HELLS: variants seen among roughly 807,000 people sequenced by gnomAD.
The protein encoded by HELLS is helicase, lymphoid specific, also known as lymphoid-specific helicase.
A neutral mutation model predicts 120.0 loss-of-function variants in HELLS; 32 were observed. That is an observed-to-expected ratio of 0.27 (90% confidence interval 0.20 to 0.36). The LOEUF is 0.36. HELLS is among the 10% of genes least tolerant of loss of function. HELLS has a pLI of 1.00. For synonymous variants in HELLS, 341 were observed against 323.4 expected, an observed-to-expected ratio of 1.05 and a Z score of -0.58; for missense variants, 650 against 993.4, an observed-to-expected ratio of 0.65 and a Z score of 4.65.
Position 94,574,011 on chromosome 10 carries a change from A to G in HELLS, c.529A>G (p.Lys177Glu). The G allele has an allele frequency of 6.2e-7, 1 of 1,610,932 alleles. No individual in the cohort carries two copies. Among genetic ancestry groups the G allele is most frequent in the Non-Finnish European group, 8.5e-7 (1 of 1,177,144 alleles). Residue 177 changes from lysine (K) to glutamate (E), a missense_variant, in exon 8 of 22, where the codon AAA becomes GAA. Lys to Glu is a moderately conservative substitution (Grantham distance 56, BLOSUM62 1). This residue lies in a region of HELLS where 113 missense variants were observed against 120.7 expected (regional missense o/e 0.94). Coordinates refer to ENST00000348459, the MANE Select transcript of HELLS (RefSeq NM_018063.5). ...NLCVEDLQKN[K>E]DSNSIIKDRL... ...CTGTGTGGAAGATCTTCAGAAAAATAAAGATTCGAATAGTATAATTAAAGA... is the reference window on the plus strand; with the variant it reads ...CTGTGTGGAAGATCTTCAGAAAAATGAAGATTCGAATAGTATAATTAAAGA...
intron 6 of HELLS, among the ~76,000 whole-genome samples, chr10:94,565,442 C>T (rs769602146): frequency 5.3e-5 from 8 of 152,192 alleles, no homozygotes; most frequent in South Asian, 4.1e-4. Context: ...TAAACCCCGG[C>T]GCTTTGGGAG....
intron 4 of HELLS, among the ~76,000 whole-genome samples, chr10:94,560,514 A>T (rs1333431909): frequency 6.6e-6 from 1 of 151,276 alleles, no homozygotes; most frequent in Non-Finnish European, 1.5e-5. Context: ...GGTCAACATG[A>T]TGAGACCCTG....
intron 4 of HELLS, among the ~76,000 whole-genome samples, chr10:94,560,889 C>G (rs962209534): frequency 6.6e-6 from 1 of 151,910 alleles, no homozygotes; most frequent in African/African-American, 2.4e-5. Flanking sequence ...AACCCAGTCT[C>G]TACTAAAAAT....
intron 7 of HELLS, 110 bp downstream of exon 7, chr10:94,571,539 C>A: frequency 1.1e-6 from 1 of 875,868 alleles, no homozygotes; most frequent in Non-Finnish European, 1.6e-6. Context: ...TATCCTGTTT[C>A]TTTGCTTTAA....
intron 1 of HELLS, 122 bp from the exon 2 acceptor site, chr10:94,546,255 T>C (rs533402906): frequency 8.7e-7 from 1 of 1,154,726 alleles, no homozygotes; most frequent in African/African-American, 1.5e-5. Context: ...GATGCTGGCG[T>C]CCCCTCGGTC....
Position 94,596,879 on chromosome 10 carries a change from G to T in HELLS, c.2268G>T (p.Gln756His), listed in dbSNP as rs1845765332. The change falls in exon 20 of 22, where the codon CAG becomes CAT. Residue 756 changes from glutamine to histidine, a missense_variant. This residue lies in a region of HELLS where 90 missense variants were observed against 109.2 expected (regional missense o/e 0.82). Transcript: ENST00000348459. ...TTTTAGATCATTTCAAAGGTGGTCA[G>T]TCTGGATTAAATCTGTCTAAGAATT... ...IIHKNHFKGG[Q>H]SGLNLSKNFL... is the part of the protein sequence containing the mutation. 3 of 1,490,222 alleles carry T rather than the reference G, an allele frequency of 2.0e-6. No homozygotes were observed. The allele number at this position is 1,490,222 out of a possible 1,614,324, so 92.3% of individuals were successfully genotyped here.
intron 19 of HELLS, 130 bp from the exon 20 acceptor site, chr10:94,596,730 T>C (rs1487854347): frequency 1.6e-5 from 9 of 556,048 alleles, no homozygotes; most frequent in Non-Finnish European, 2.9e-5. Flanking sequence ...AGAGCTTCAT[T>C]TGCTTTTATT....
At chr10:94,584,297 A>C (rs536998710) in intron 12 of HELLS, among the ~76,000 whole-genome samples, 8 of 152,192 alleles carry the variant, frequency 5.3e-5, no homozygotes, top group East Asian at 3.9e-4. Flanking sequence ...TGTTGCAAAT[A>C]ATTTCTTTCC....
Position 94,598,606 on chromosome 10 carries a change from GT to G in HELLS, c.2422+1514del, listed in dbSNP as rs58356300. 3.9e-3 allele frequency among the ~76,000 whole-genome samples: 536 copies of G among 139,104 alleles called. 1 individual carries two copies. The highest frequency in any genetic ancestry group is 8.2e-3 in the African/African-American group (310 of 37,980). 91.3% of individuals were successfully genotyped at this position (139,104 alleles called of 152,430 possible). ...TCAAAATAAAATATATTGGTTGGAA[GT>G]TTTTTTTTTTTTTTTTTTAATCAGA... On this transcript the variant is annotated intron_variant, in intron 21 of 21. Coordinates refer to ENST00000348459, the MANE Select transcript of HELLS (RefSeq NM_018063.5).
chr10:94,590,086 G>A (rs955866907), intron 13 of HELLS, among the ~76,000 whole-genome samples: 32 of 152,152 alleles, frequency 2.1e-4, no homozygotes, highest in Admixed American at 2.6e-4. Context: ...ATAATGAGCA[G>A]TTTCATGCAG....
intron 21 of HELLS, among the ~76,000 whole-genome samples, chr10:94,598,070 G>C (rs1168477320): frequency 6.0e-5 from 9 of 150,794 alleles, no homozygotes; most frequent in Admixed American, 2.6e-4. Flanking sequence ...TGATGACCAT[G>C]AATTATTTTG....
chr10:94,562,109 A>G (rs911679243), intron 4 of HELLS, among the ~76,000 whole-genome samples: 4 of 150,088 alleles, frequency 2.7e-5, no homozygotes, highest in African/African-American at 9.7e-5. Flanking sequence ...CTAAATAAAA[A>G]TGCCAACTAT....
chr10:94,587,716 C>T (rs1039608566), intron 12 of HELLS, among the ~76,000 whole-genome samples: 9 of 152,092 alleles, frequency 5.9e-5, no homozygotes, highest in Admixed American at 1.3e-4. Flanking sequence ...TGTGAGCCAC[C>T]GCACCTGGCC....
intron 2 of HELLS, among the ~76,000 whole-genome samples, chr10:94,547,012 T>C (rs1416000865): frequency 6.6e-6 from 1 of 152,230 alleles, no homozygotes; most frequent in Non-Finnish European, 1.5e-5. Flanking sequence ...TGTTTTTCTT[T>C]TGGTTTCATG....
At chr10:94,592,116 T>G in intron 15 of HELLS, 113 bp from the exon 16 acceptor site, 2 of 690,580 alleles carry the variant, frequency 2.9e-6, no homozygotes, top group Non-Finnish European at 4.8e-6. Flanking sequence ...AGGTCAGTTT[T>G]TAAGTTTTTT....
chr10:94,589,830 TCGCC>T (rs1227780368), intron 13 of HELLS, among the ~76,000 whole-genome samples: 3 of 151,518 alleles, frequency 2.0e-5, no homozygotes, highest in Non-Finnish European at 4.4e-5. Flanking sequence ...GGGACTACAG[TCGCC>T]CGCCACCACG....
chr10:94,606,087 T>C (rs1564624038), downstream of HELLS, among the ~76,000 whole-genome samples: 2 of 151,070 alleles, frequency 1.3e-5, no homozygotes, highest in African/African-American at 4.9e-5. Flanking sequence ...TTTTTTTTCA[T>C]TTTTAAAGAG....
chr10:94,557,486 G>A (rs1400077872), intron 3 of HELLS, among the ~76,000 whole-genome samples: 1 of 152,186 alleles, frequency 6.6e-6, no homozygotes, highest in African/African-American at 2.4e-5. Flanking sequence ...CTAGGAATAA[G>A]TTGATCCCTT....
rs778798642 is a variant in HELLS at position 94,581,394 on chromosome 10, C to A, written c.1101C>A (p.Ile367=). The change falls in exon 11 of 22, where the codon ATC becomes ATA. Residue 367 remains isoleucine (I), a synonymous_variant. Coordinates refer to ENST00000348459, the MANE Select transcript of HELLS (RefSeq NM_018063.5). Reference sequence around the variant, plus strand: ...TTAAGAATATGAAGTGCCGTCTAATCAGGGAGTTAAAACGATTCAATGCTG... The same window carrying A: ...TTAAGAATATGAAGTGCCGTCTAATAAGGGAGTTAAAACGATTCAATGCTG... The part of the protein sequence containing the change: ...HRIKNMKCRL[I]RELKRFNADN... 6.2e-7 allele frequency: 1 copy of A among 1,611,242 alleles called. No individual in the cohort carries two copies. Among genetic ancestry groups the A allele is most frequent in the East Asian group, 2.2e-5 (1 of 44,742 alleles).
Sources: gnomAD v4.1 joint callset for allele counts (sites outside exome capture counted in the v4.1 genomes callset) on GRCh38, gnomAD v4.1.1 for gene constraint, gnomAD v4.1.1 regional missense constraint, MANE v1.5 for transcripts, NCBI Gene and HGNC (gene_info 2026-07-23, HGNC 2026-07-21) for gene names.